The following ZC3H12B variants were observed in gnomAD, a reference collection of about 807,000 sequenced individuals.
ZC3H12B encodes the protein zinc finger CCCH-type containing 12B, also known as probable ribonuclease ZC3H12B.
In ZC3H12B, 7 loss-of-function variants were observed where a neutral mutation model predicts 43.9. The ratio of observed to expected loss-of-function variants is 0.16; its 90% CI spans 0.09 to 0.30. ZC3H12B has a LOEUF of 0.30. Ranked by LOEUF, ZC3H12B falls within the 10% of genes least tolerant of loss-of-function variation. ZC3H12B has a pLI of 1.00. For synonymous variants in ZC3H12B, 222 were observed against 241.7 expected, an observed-to-expected ratio of 0.92 and a Z score of 0.76; for missense variants, 475 against 670.2, an observed-to-expected ratio of 0.71 and a Z score of 3.22.
At chrX:65,207,752 G>A in the ZC3H12B span, among the ~76,000 whole-genome samples, 2 of 73,732 alleles carry the variant, frequency 2.7e-5, no homozygotes, top group Non-Finnish European at 5.1e-5. Context: ...CATTGAATCT[G>A]TAAATTACCT....
the ZC3H12B span, among the ~76,000 whole-genome samples, chrX:65,196,606 C>G: frequency 9.0e-6 from 1 of 111,466 alleles, no homozygotes; most frequent in East Asian, 2.8e-4. Context: ...ACTCTGGGAC[C>G]AATGGGGAGA....
At chrX:65,365,447 A>C, upstream of ZC3H12B, among the ~76,000 whole-genome samples, 1 of 110,853 alleles carries the variant, frequency 9.0e-6, no homozygotes, top group South Asian at 3.9e-4. Flanking sequence ...AACAAATGCT[A>C]CTTCTAACAA....
chrX:65,288,352 A>G, the ZC3H12B span, among the ~76,000 whole-genome samples: 12 of 111,614 alleles, frequency 1.1e-4, no homozygotes, highest in South Asian at 3.3e-3. Flanking sequence ...GGACACAAGA[A>G]AAAAAGAAAA....
chrX:65,146,987 C>G, the ZC3H12B span, among the ~76,000 whole-genome samples: 1 of 112,148 alleles, frequency 8.9e-6, no homozygotes, highest in Admixed American at 9.5e-5. Flanking sequence ...ACATGCCACT[C>G]TGTCCATCCG....
exon 5 of ZC3H12B, chrX:65,506,382 T>C (rs1295074789): frequency 2.7e-5 from 3 of 112,335 alleles, no homozygotes; most frequent in South Asian, 3.7e-4. Context: ...TTTCTTTATA[T>C]TGAGGTCTAC....
exon 1 of ZC3H12B, chrX:65,489,224 A>G (rs773007410): frequency 1.8e-5 from 22 of 1,209,849 alleles, no homozygotes; most frequent in Non-Finnish European, 1.5e-5. Flanking sequence ...TTAATGATGT[A>G]TTGGCAGAGC....
chrX:65,442,405 G>A (rs762485651), intron 3 of ZC3H12B, among the ~76,000 whole-genome samples: 3 of 111,226 alleles, frequency 2.7e-5, no homozygotes, highest in African/African-American at 6.5e-5. Context: ...CTAAAGGAAA[G>A]GTATTGTTCT....
chrX:65,100,641 G>C, the ZC3H12B span, among the ~76,000 whole-genome samples: 1 of 56,899 alleles, frequency 1.8e-5, no homozygotes, highest in Admixed American at 2.1e-4. Context: ...AAACCACAAA[G>C]ATGAAAAAGA....
the ZC3H12B span, among the ~76,000 whole-genome samples, chrX:65,193,749 G>A: frequency 1.8e-5 from 2 of 111,262 alleles, no homozygotes. Flanking sequence ...TCTACTTTTT[G>A]GTGTAGGAAT....
the ZC3H12B span, among the ~76,000 whole-genome samples, chrX:65,063,478 A>G: frequency 1.8e-5 from 2 of 112,237 alleles, no homozygotes; most frequent in Admixed American, 9.4e-5. Context: ...ATTTGCATAT[A>G]TTGAACCAGC....
chrX:65,362,425 CT>C (rs956416989), upstream of ZC3H12B, among the ~76,000 whole-genome samples: 9 of 111,053 alleles, frequency 8.1e-5, no homozygotes, highest in Non-Finnish European at 1.5e-4. Flanking sequence ...TTATACACTC[CT>C]TTTTAGTTAT....
chrX:65,259,149 C>T, the ZC3H12B span, among the ~76,000 whole-genome samples: 1 of 111,813 alleles, frequency 8.9e-6, no homozygotes, highest in African/African-American at 3.2e-5. Flanking sequence ...CATCACAGTG[C>T]CCAATGTCAA....
At chrX:65,499,326 A>T in intron 3 of ZC3H12B, 93 bp downstream of exon 8, 1 of 708,069 alleles carries the variant, frequency 1.4e-6, no homozygotes, top group Non-Finnish European at 2.1e-6. Context: ...TGTGTATCAT[A>T]CATTTTGCTA....
At position 65,379,517 on chromosome X, in the gene ZC3H12B, C is replaced by T. The variant is rs1198170127; in HGVS notation, n.295+10519C>T. Among the ~76,000 whole-genome samples the T allele has an allele frequency of 4.5e-5, 5 of 112,078 alleles. No individual in the cohort carries two copies. The Admixed American group carries it at 4.7e-4, about 11-fold the overall frequency. On this transcript the variant is annotated intron_variant and non_coding_transcript_variant, in intron 2 of 5. Coordinates refer to the ZC3H12B transcript ENST00000617377. ...CCACAAAGATAGGGAAAAAACAGAG[C>T]AGAAAAACTGGAAACTCTAAAAAGC...
the ZC3H12B span, among the ~76,000 whole-genome samples, chrX:65,321,965 GATAATCT>G: frequency 1.8e-5 from 2 of 111,080 alleles, no homozygotes; most frequent in African/African-American, 6.5e-5. Flanking sequence ...TGGGTGATTA[GATAATCT>G]ATACAACAAA....
chrX:65,379,925 TG>T lies in ZC3H12B; in HGVS notation n.295+10928del, dbSNP rs750143155. Among the ~76,000 whole-genome samples, 3 of 111,278 alleles carry T rather than the reference TG, an allele frequency of 2.7e-5. No homozygotes were observed. The East Asian group carries it at 8.5e-4, about 31-fold the overall frequency. ...TTAGAGAAAAAAGAATAAAAAGAAA[TG>T]AGCAAAGCCTCCAAGAAATATGGGA... On this transcript the variant is annotated intron_variant and non_coding_transcript_variant, in intron 2 of 5. Coordinates refer to the ZC3H12B transcript ENST00000617377.
the ZC3H12B span, among the ~76,000 whole-genome samples, chrX:65,344,551 C>G: frequency 8.9e-6 from 1 of 111,995 alleles, no homozygotes; most frequent in Non-Finnish European, 1.9e-5. Context: ...ATTTCTTACA[C>G]CATATACAAA....
chrX:65,178,608 A>G, the ZC3H12B span, among the ~76,000 whole-genome samples: 3 of 112,704 alleles, frequency 2.7e-5, no homozygotes, highest in Non-Finnish European at 5.6e-5. Context: ...AAGGATGTGA[A>G]CAGACACTTC....
chrX:65,334,311 A>G, the ZC3H12B span, among the ~76,000 whole-genome samples: 1 of 112,073 alleles, frequency 8.9e-6, no homozygotes, highest in South Asian at 3.7e-4. Context: ...TTCTTTTACA[A>G]GATTAATTTT....
Sources: gnomAD v4.1 joint callset for allele counts (sites outside exome capture counted in the v4.1 genomes callset) on GRCh38, gnomAD v4.1.1 for gene constraint, MANE v1.5 for transcripts, NCBI Gene and HGNC (gene_info 2026-07-23, HGNC 2026-07-21) for gene names.